The following KANK1 variants were observed in gnomAD, a reference collection of about 807,000 sequenced individuals.
KANK1 encodes KN motif and ankyrin repeat domain-containing protein 1.
In KANK1, 109 loss-of-function variants were observed where a neutral mutation model predicts 106.2. That is an observed-to-expected ratio of 1.03 (90% confidence interval 0.88 to 1.20). The LOEUF is 1.20. Ranked by LOEUF, KANK1 falls within the 50% of genes most tolerant of loss-of-function variation. The pLI, the probability that KANK1 is intolerant of heterozygous loss-of-function variation, is 0.00. For missense variants in KANK1, 2,399 were observed against 1,710.7 expected (o/e 1.40, Z -7.10); for synonymous variants, 873 against 652.2 (o/e 1.34, Z -5.16).
In KANK1 at chr9:603,020, T is replaced by C. The variant is rs764738386; in HGVS notation, c.-83-73870T>C. Among the ~76,000 whole-genome samples, 29 of 151,894 alleles carry C rather than the reference T, an allele frequency of 1.9e-4. 1 individual carries two copies. Among genetic ancestry groups the C allele is most frequent in the Non-Finnish European group, 2.9e-4 (20 of 68,034 alleles). ...GATAATTATCTTCCTTAGCGTTTTG[T>C]TCTACTTCAGAGCTCATTTGTGGGC... On this transcript the variant is annotated intron_variant, in intron 1 of 11. Coordinates refer to ENST00000382297, the MANE Select transcript of KANK1 (RefSeq NM_015158.5).
At chr9:575,009 G>T (rs941196982) in intron 1 of KANK1, among the ~76,000 whole-genome samples, 10 of 151,954 alleles carry the variant, frequency 6.6e-5, no homozygotes, top group Admixed American at 4.6e-4. Context: ...TCTGAATTTT[G>T]AGAAGGCTAA....
chr9:627,963 A>G lies in KANK1; in HGVS notation c.-83-48927A>G, dbSNP rs566360543. On this transcript the variant is annotated intron_variant, in intron 1 of 11. Coordinates refer to ENST00000382297, the MANE Select transcript of KANK1 (RefSeq NM_015158.5). The stretch of plus-strand genomic sequence containing the variant: ...TGAAAATTACAACAAAAAAAAAAGA[A>G]AAACACAGAATCTGACTAAAGGAGC... Among the ~76,000 whole-genome samples the G allele has an allele frequency of 5.9e-5, 9 of 152,368 alleles. No homozygotes were observed. The South Asian group carries it at 1.2e-3, about 21-fold the overall frequency.
intron 1 of KANK1, among the ~76,000 whole-genome samples, chr9:571,564 TAAA>T (rs59188995): frequency 0.011 from 1,557 of 136,928 alleles, 18 homozygotes; most frequent in Admixed American, 0.02. Context: ...CACTTCTAAA[TAAA>T]AAAAAAAAAA....
At chr9:665,716 G>A (rs1336116806) in intron 1 of KANK1, among the ~76,000 whole-genome samples, 2 of 152,150 alleles carry the variant, frequency 1.3e-5, no homozygotes, top group Non-Finnish European at 2.9e-5. Context: ...TATTTTGATA[G>A]GGATTACATT....
intron 1 of KANK1, among the ~76,000 whole-genome samples, chr9:636,334 C>G (rs1837133882): frequency 6.6e-6 from 1 of 152,194 alleles, no homozygotes; most frequent in Admixed American, 6.5e-5. Context: ...TACTGCTTCT[C>G]ATATTAGCAC....
At chr9:602,140 G>A (rs1484906519) in intron 1 of KANK1, among the ~76,000 whole-genome samples, 2 of 151,892 alleles carry the variant, frequency 1.3e-5, no homozygotes, top group African/African-American at 2.4e-5. Flanking sequence ...TTAACTTTTT[G>A]TGGAAAAATA....
chr9:571,914 C>G (rs534523229), intron 1 of KANK1, among the ~76,000 whole-genome samples: 6 of 152,252 alleles, frequency 3.9e-5, no homozygotes, highest in Admixed American at 2.6e-4. Flanking sequence ...TCTCATAAAT[C>G]AAGTCCCAAG....
rs987875103 is a variant in KANK1, at chr9:711,855, G to A, written c.1089G>A (p.Arg363=). ...AGACCGTAGAACAGAGCACGCAGAGGATAAAGGAGTTCCGGCAACTTACAG... is the reference window on the plus strand; with the variant it reads ...AGACCGTAGAACAGAGCACGCAGAGAATAAAGGAGTTCCGGCAACTTACAG... ...EMETVEQSTQ[R]IKEFRQLTAD... The change falls in exon 3 of 12, where the codon AGG becomes AGA. Residue 363 remains arginine, a synonymous_variant. Coordinates refer to ENST00000382297, the MANE Select transcript of KANK1 (RefSeq NM_015158.5). The A allele has an allele frequency of 2.5e-6, 4 of 1,614,068 alleles. No homozygotes were observed. The African/African-American group carries it at 4.0e-5, about 16-fold the overall frequency.
At chr9:590,775 ACT>A (rs1474010634) in intron 1 of KANK1, among the ~76,000 whole-genome samples, 4 of 151,652 alleles carry the variant, frequency 2.6e-5, no homozygotes, top group Admixed American at 2.6e-4. Context: ...GTTGATGAAG[ACT>A]CTGTTTCAGG....
At chr9:706,414 T>C (rs1339371099) in intron 2 of KANK1, among the ~76,000 whole-genome samples, 1 of 152,180 alleles carries the variant, frequency 6.6e-6, no homozygotes, top group African/African-American at 2.4e-5. Context: ...GTGTTTTAAA[T>C]ACTGATGTTG....
At chr9:561,585 T>C (rs577860267) in intron 1 of KANK1, among the ~76,000 whole-genome samples, 1 of 152,380 alleles carries the variant, frequency 6.6e-6, no homozygotes, top group East Asian at 1.9e-4. Context: ...TATTTACTTA[T>C]GGCTTTTGAA....
At chr9:639,684 A>C (rs1265045870) in intron 1 of KANK1, among the ~76,000 whole-genome samples, 1 of 152,178 alleles carries the variant, frequency 6.6e-6, no homozygotes, top group Non-Finnish European at 1.5e-5. Context: ...GGCTGTAAGT[A>C]AAGTCTCCGT....
intron 1 of KANK1, among the ~76,000 whole-genome samples, chr9:537,795 C>G (rs143873476): frequency 9.2e-5 from 14 of 152,200 alleles, no homozygotes; most frequent in Non-Finnish European, 2.1e-4. Flanking sequence ...CAGAGATGCC[C>G]AGAATAGCCC....
In KANK1 at chr9:711,584, G is replaced by A. The variant is rs191266626; in HGVS notation, c.818G>A (p.Arg273His). Reference protein sequence around the residue: ...IREQMAIALKRLKELEEQVRT... With the variant: ...IREQMAIALKHLKELEEQVRT... ...GAGCAGATGGCCATTGCTCTGAAAC[G>A]CCTGAAGGAGCTGGAGGAGCAGGTG... The change falls in exon 3 of 12, where the codon CGC (arginine) becomes CAC (histidine). Residue 273 changes from arginine to histidine, a missense_variant. Coordinates refer to ENST00000382297, the MANE Select transcript of KANK1 (RefSeq NM_015158.5). 23 of 1,614,080 alleles carry A rather than the reference G, an allele frequency of 1.4e-5. No homozygotes were observed. In the Admixed American group the frequency reaches 2.0e-4, roughly 14 times the overall value.
intron 1 of KANK1, among the ~76,000 whole-genome samples, chr9:519,116 C>A (rs751989044): frequency 1.6e-4 from 24 of 151,672 alleles, no homozygotes; most frequent in Non-Finnish European, 2.9e-4. Flanking sequence ...TCTCAAACTC[C>A]CAACCTCAGG....
intron 3 of KANK1, among the ~76,000 whole-genome samples, chr9:482,223 G>A (rs1323785386): frequency 6.6e-6 from 1 of 152,148 alleles, no homozygotes; most frequent in Non-Finnish European, 1.5e-5. Flanking sequence ...CTACCTCTTG[G>A]ACAATCACCC....
intron 1 of KANK1, among the ~76,000 whole-genome samples, chr9:598,615 G>GTTTTTTTTTTTTTT (rs1306483082): frequency 2.7e-5 from 2 of 73,332 alleles, no homozygotes; most frequent in East Asian, 8.7e-4. Flanking sequence ...TGTTTTGTTG[G>GTTTTTTTTTTTTTT]TTTTCTTTTT....
At position 681,257 on chromosome 9, in the gene KANK1, T is replaced by A. The variant is rs180936112; in HGVS notation, c.37+4248T>A. 7.2e-5 allele frequency among the ~76,000 whole-genome samples: 11 copies of A among 152,278 alleles called. No individual in the cohort carries two copies. The East Asian group carries it at 2.1e-3, about 29-fold the overall frequency. ...AAAAAACATTTTATTATGGTACTGC[T>A]AACAGTACTGCAGCGTCTTTTGTTA... On this transcript the variant is annotated intron_variant, in intron 2 of 11. Coordinates refer to ENST00000382297, the MANE Select transcript of KANK1 (RefSeq NM_015158.5).
rs138244091 is a variant in KANK1 at position 741,729 on chromosome 9, C to T, written c.3697-476C>T. Among the ~76,000 whole-genome samples the T allele has an allele frequency of 1.2e-3, 188 of 152,142 alleles. 5 individuals are homozygous for T. The highest frequency in any genetic ancestry group is 4.2e-3 in the African/African-American group (176 of 41,514). The stretch of plus-strand genomic sequence containing the variant: ...GTCTTGATCTCCTGACCTCATGATC[C>T]ACCTGACTCAGCCTCCTGAAGTGCT... On this transcript the variant is annotated intron_variant, in intron 9 of 11. Transcript: ENST00000382297.
Sources: gnomAD v4.1 joint callset for allele counts (sites outside exome capture counted in the v4.1 genomes callset) on GRCh38, gnomAD v4.1.1 for gene constraint, MANE v1.5 for transcripts, NCBI Gene and HGNC (gene_info 2026-07-23, HGNC 2026-07-21) for gene names.